TMEM116: variants seen among roughly 807,000 people sequenced by gnomAD.
TMEM116 encodes the protein transmembrane protein 116.
In TMEM116, 38 loss-of-function variants were observed where a neutral mutation model predicts 44.3. The ratio of observed to expected loss-of-function variants is 0.86; its 90% CI spans 0.66 to 1.12. The LOEUF (loss-of-function observed/expected upper bound fraction) is 1.12, where lower values mean the gene tolerates loss of function less well. Ranked by LOEUF, TMEM116 falls within the 50% of genes most tolerant of loss-of-function variation. The probability of loss-of-function intolerance (pLI) is 0.00; values close to 1 mark genes in which losing one functional copy is unlikely to be tolerated. For synonymous variants in TMEM116, 132 were observed against 144.8 expected (o/e 0.91, Z 0.64); for missense variants, 354 against 401.7 (o/e 0.88, Z 1.01).
At chr12:111,957,698 G>T (rs1593383146) in intron 4 of TMEM116, among the ~76,000 whole-genome samples, 1 of 150,792 alleles carries the variant, frequency 6.6e-6, no homozygotes, top group South Asian at 2.1e-4. Flanking sequence ...TGGGAGGTGG[G>T]GGGGCCCCTC....
intron 3 of TMEM116, chr12:111,992,993 G>T: frequency 6.3e-6 from 1 of 159,158 alleles, no homozygotes; most frequent in Non-Finnish European, 1.4e-5. Context: ...TTAGGGAGAA[G>T]CTCTCATCCA....
rs560417227 is a variant in TMEM116 at position 111,968,735 on chromosome 12, C to T, written c.210+23023G>A. On this transcript the variant is annotated intron_variant, in intron 4 of 10. Coordinates refer to ENST00000552374, the MANE Select transcript of TMEM116 (RefSeq NM_001193531.2). ...TTAGGCCAAGTGCAATGGCTCATGC[C>T]TGTAATCCCAGCTTTGGGAGGCTGA... Among the ~76,000 whole-genome samples, 4 of 152,260 alleles carry T rather than the reference C, an allele frequency of 2.6e-5. No homozygotes were observed. In the South Asian group the frequency reaches 8.3e-4, roughly 32 times the overall value.
chr12:111,998,071 T>A (rs1361550495), intron 3 of TMEM116, among the ~76,000 whole-genome samples: 1 of 152,226 alleles, frequency 6.6e-6, no homozygotes, highest in Non-Finnish European at 1.5e-5. Context: ...TTTCAGGGCA[T>A]ACACACAGAC....
chr12:111,961,791 T>C (rs1180381564), intron 4 of TMEM116, among the ~76,000 whole-genome samples: 1 of 152,184 alleles, frequency 6.6e-6, no homozygotes, highest in African/African-American at 2.4e-5. Flanking sequence ...ACCACTCCTA[T>C]TCAACATAGT....
At chr12:111,937,332 T>C in intron 6 of TMEM116, 89 bp from the exon 7 acceptor site, 1 of 967,602 alleles carries the variant, frequency 1.0e-6, no homozygotes, top group Non-Finnish European at 1.6e-6. Flanking sequence ...TTCCCTCAAC[T>C]CTATCATCCC....
chr12:111,999,609 T>C (rs188177147), intron 3 of TMEM116, among the ~76,000 whole-genome samples: 4 of 151,386 alleles, frequency 2.6e-5, no homozygotes, highest in Non-Finnish European at 4.4e-5. Flanking sequence ...AAAAAAAAAA[T>C]AAAATAAATT....
intron 4 of TMEM116, among the ~76,000 whole-genome samples, chr12:111,953,445 C>T (rs2073877761): frequency 6.6e-6 from 1 of 152,168 alleles, no homozygotes; most frequent in South Asian, 2.1e-4. Context: ...AATGGAGTCA[C>T]TCGGGTCAAA....
chr12:111,965,943 AAAT>A (rs753644028), intron 4 of TMEM116, among the ~76,000 whole-genome samples: 1 of 152,012 alleles, frequency 6.6e-6, no homozygotes, highest in Non-Finnish European at 1.5e-5. Context: ...CTCAATAAAT[AAAT>A]AAATAAACAA....
chr12:111,947,059 G>T (rs2073342158), intron 4 of TMEM116, among the ~76,000 whole-genome samples: 1 of 151,590 alleles, frequency 6.6e-6, no homozygotes, highest in Non-Finnish European at 1.5e-5. Context: ...AAAAACCAAA[G>T]ATTTTACATT....
Position 111,993,382 on chromosome 12 carries a change from T to C in TMEM116, c.79-1493A>G, listed in dbSNP as rs954221783. On this transcript the variant is annotated intron_variant, in intron 3 of 10. Transcript: ENST00000552374. ...GCTCTGACTTTCATTGGCCACTCCA[T>C]GCAGGTGTTCTGCAAGTTTGGCTTT... 5.5e-6 allele frequency: 3 copies of C among 543,774 alleles called. No homozygotes were observed. In the East Asian group the frequency reaches 1.5e-4, roughly 27 times the overall value. The allele number at this position is 543,774 out of a possible 1,614,324, so 33.7% of individuals were successfully genotyped here. A position where few individuals can be genotyped will look rare whatever the true frequency, so the allele number is the denominator to read the frequency against.
intron 4 of TMEM116, among the ~76,000 whole-genome samples, chr12:111,973,828 G>A (rs2075501803): frequency 6.6e-6 from 1 of 152,034 alleles, no homozygotes; most frequent in Non-Finnish European, 1.5e-5. Context: ...GGTGGCTGAG[G>A]CAGGAGAATC....
chr12:111,995,170 C>A (rs956717881), intron 3 of TMEM116, among the ~76,000 whole-genome samples: 1 of 152,060 alleles, frequency 6.6e-6, no homozygotes, highest in Non-Finnish European at 1.5e-5. Flanking sequence ...TATTCCATAG[C>A]AATAGTTTCA....
chr12:112,004,483 C>T (rs1288809232), intron 2 of TMEM116, among the ~76,000 whole-genome samples: 14 of 148,528 alleles, frequency 9.4e-5, no homozygotes, highest in Admixed American at 4.7e-4. Flanking sequence ...GACAGGGTCT[C>T]GCTATGTTGC....
chr12:111,970,492 T>C (rs2075269013), intron 4 of TMEM116, among the ~76,000 whole-genome samples: 1 of 151,508 alleles, frequency 6.6e-6, no homozygotes, highest in Non-Finnish European at 1.5e-5. Flanking sequence ...CCAAATCTTA[T>C]GAAGACAATA....
chr12:112,001,512 C>T (rs886664601), intron 3 of TMEM116, among the ~76,000 whole-genome samples: 4 of 152,258 alleles, frequency 2.6e-5, no homozygotes, highest in African/African-American at 9.6e-5. Context: ...TTGGTTGTCA[C>T]AACTAAAGAA....
intron 1 of TMEM116, chr12:112,005,928 A>G (rs566851087): frequency 1.0e-6 from 1 of 985,536 alleles, no homozygotes; most frequent in Admixed American, 6.1e-5. Flanking sequence ...AAAGGAAGAC[A>G]GGGAGAGCTT....
chr12:111,952,773 C>T (rs1477103842), intron 4 of TMEM116, among the ~76,000 whole-genome samples: 2 of 152,192 alleles, frequency 1.3e-5, no homozygotes, highest in Non-Finnish European at 2.9e-5. Flanking sequence ...AGCTTTGGGA[C>T]TCAGACTGGC....
chr12:112,003,341 G>T, intron 3 of TMEM116, among the ~76,000 whole-genome samples: 1 of 152,214 alleles, frequency 6.6e-6, no homozygotes, highest in Non-Finnish European at 1.5e-5. Context: ...GGCCAAGGCA[G>T]GCGGATCATG....
At chr12:111,938,306 G>T (rs1025481769) in intron 5 of TMEM116, 96 bp from the exon 6 acceptor site, 1 of 942,356 alleles carries the variant, frequency 1.1e-6, no homozygotes, top group Admixed American at 3.1e-5. Flanking sequence ...AGAACAAAAA[G>T]ATTTCCAAAA....
Sources: gnomAD v4.1 joint callset for allele counts (sites outside exome capture counted in the v4.1 genomes callset) on GRCh38, gnomAD v4.1.1 for gene constraint, MANE v1.5 for transcripts, NCBI Gene and HGNC (gene_info 2026-07-23, HGNC 2026-07-21) for gene names.